The following ANKFY1 variants were observed in gnomAD, a reference collection of about 807,000 sequenced individuals.
ANKFY1 encodes ankyrin repeat and FYVE domain-containing protein 1.
Under a neutral mutation model 128.3 loss-of-function variants are expected in ANKFY1, and 47 were observed. The observed-to-expected ratio is 0.37, with a 90% confidence interval of 0.29 to 0.47. The LOEUF is 0.47. ANKFY1 is among the 20% of genes least tolerant of loss of function. The pLI is 1.00. For synonymous variants in ANKFY1, 553 were observed against 601.6 expected (o/e 0.92, Z 1.18); for missense variants, 1,222 against 1,510.6 (o/e 0.81, Z 3.17).
In ANKFY1 at chr17:4,195,141, C is replaced by T. The variant is rs1471975127; in HGVS notation, c.1209G>A (p.Thr403=). The part of the protein sequence containing the change: ...DLELKDHEGS[T]ALWLAVQHIT... ...TATGCTGCACTGCCAGCCACAGAGCCGTGCTGCCCTCGTGGTCTTTGAGTT... is the reference window on the plus strand; with the variant it reads ...TATGCTGCACTGCCAGCCACAGAGCTGTGCTGCCCTCGTGGTCTTTGAGTT... Residue 403 remains threonine (T), a synonymous_variant, in exon 10 of 25, where the codon ACG becomes ACA. Transcript: ENST00000341657. 9 of 1,611,922 alleles carry T rather than the reference C, an allele frequency of 5.6e-6. No homozygotes were observed. In the East Asian group the frequency reaches 8.9e-5, roughly 16 times the overall value.
rs1251139542 is a variant in ANKFY1, at chr17:4,206,290, C to T, written c.898+31G>A. The T allele has an allele frequency of 3.1e-6, 5 of 1,591,024 alleles. No individual in the cohort carries two copies. In the African/African-American group the frequency reaches 4.0e-5, roughly 13 times the overall value. On this transcript the variant is annotated intron_variant, in intron 7 of 24. Coordinates refer to ENST00000341657, the MANE Select transcript of ANKFY1 (RefSeq NM_001330063.2). ...AATTACTCGGATAAAAATAAAATTG[C>T]CTGCAGGGAAACATACACACTTCTT... is the stretch of plus-strand genomic sequence containing the variant.
intron 4 of ANKFY1, chr17:4,216,380 C>A (rs1467750028): frequency 6.2e-6 from 1 of 160,792 alleles, no homozygotes; most frequent in African/African-American, 2.4e-5. Context: ...CGCTCCCGGA[C>A]ATCTCGTCTG....
chr17:4,259,805 G>A (rs563753943), intron 1 of ANKFY1, among the ~76,000 whole-genome samples: 10 of 152,224 alleles, frequency 6.6e-5, no homozygotes, highest in Admixed American at 1.3e-4. Context: ...TCTAAGCTGG[G>A]AGATACAGGA....
chr17:4,229,918 T>C (rs921549303), intron 3 of ANKFY1, among the ~76,000 whole-genome samples: 1 of 152,260 alleles, frequency 6.6e-6, no homozygotes, highest in African/African-American at 2.4e-5. Context: ...CAGCCTATAC[T>C]GAAGAGGAGA....
intron 2 of ANKFY1, among the ~76,000 whole-genome samples, chr17:4,236,788 T>G (rs949737357): frequency 1.3e-5 from 2 of 151,614 alleles, no homozygotes; most frequent in Non-Finnish European, 2.9e-5. Context: ...AAAACCACTA[T>G]ATGGAAAAAA....
At position 4,167,846 on chromosome 17, in the gene ANKFY1, T is replaced by C. The variant is rs2059238107; in HGVS notation, c.3443A>G (p.Asp1148Gly). 1.2e-6 allele frequency: 2 copies of C among 1,613,780 alleles called. No individual in the cohort carries two copies. Among genetic ancestry groups the C allele is most frequent in the South Asian group, 1.1e-5 (1 of 91,054 alleles). ...STKEIPIIKFDLNKPVRVCNI... is the reference protein window; with the variant it reads ...STKEIPIIKFGLNKPVRVCNI... Reference sequence around the variant, plus strand: ...GCAAACCCGCACAGGCTTGTTCAGATCAAACTTTATAATAGGAATCTCCTT... The same window carrying C: ...GCAAACCCGCACAGGCTTGTTCAGACCAAACTTTATAATAGGAATCTCCTT... The change falls in exon 25 of 25, where the codon GAT (aspartate) becomes GGT (glycine). Residue 1148 changes from aspartate to glycine, a missense_variant. Coordinates refer to ENST00000341657, the MANE Select transcript of ANKFY1 (RefSeq NM_001330063.2). The surrounding 1 kb of genome is among the most constrained non-coding windows in gnomAD (Gnocchi z 4.1).
At chr17:4,168,391 T>G (rs1260613262) in intron 24 of ANKFY1, among the ~76,000 whole-genome samples, 5 of 152,312 alleles carry the variant, frequency 3.3e-5, no homozygotes, top group Admixed American at 2.6e-4. Flanking sequence ...AAGTGGAGAT[T>G]GCAGTAAGCC....
chr17:4,207,468 A>G (rs940976714), intron 6 of ANKFY1, among the ~76,000 whole-genome samples: 20 of 152,186 alleles, frequency 1.3e-4, no homozygotes, highest in Non-Finnish European at 2.4e-4. Flanking sequence ...CAAAGATCCA[A>G]ATAAGCAGGA....
chr17:4,254,365 A>T (rs1422397544), intron 1 of ANKFY1, among the ~76,000 whole-genome samples: 1 of 150,726 alleles, frequency 6.6e-6, no homozygotes, highest in Non-Finnish European at 1.5e-5. Flanking sequence ...ACCCACTCAG[A>T]GTAGGTCTTG....
rs186784507 is a variant in ANKFY1, at chr17:4,208,821, G to A, written c.583-739C>T. On this transcript the variant is annotated intron_variant, in intron 5 of 24. Coordinates refer to ENST00000341657, the MANE Select transcript of ANKFY1 (RefSeq NM_001330063.2). The stretch of plus-strand genomic sequence containing the variant: ...TGTACTCCCAGCACTTTGGGAGGCC[G>A]AGGTGGGCGGATCGATCACCTGAGG... Among the ~76,000 whole-genome samples the A allele has an allele frequency of 5.8e-3, 890 of 152,268 alleles. 8 individuals are homozygous for A. The highest frequency in any genetic ancestry group is 0.021 in the African/African-American group (854 of 41,548).
chr17:4,187,439 C>T, intron 11 of ANKFY1: 1 of 394,632 alleles, frequency 2.5e-6, no homozygotes. Flanking sequence ...AGAAGAATCA[C>T]ACTACTTCTC....
At position 4,226,394 on chromosome 17, in the gene ANKFY1, G is replaced by A. The variant is rs539100584; in HGVS notation, c.323-9276C>T. 2.6e-5 allele frequency among the ~76,000 whole-genome samples: 4 copies of A among 152,114 alleles called. No homozygotes were observed. The South Asian group carries it at 8.3e-4, about 32-fold the overall frequency. On this transcript the variant is annotated intron_variant, in intron 3 of 24. Transcript: ENST00000341657. ...TTTTTTTAATTAGTCAAGTGTGGTG[G>A]CATGCGCTTATAGTCCCAGCTACTA...
At chr17:4,242,864 T>C (rs1420671492) in intron 1 of ANKFY1, among the ~76,000 whole-genome samples, 1 of 152,216 alleles carries the variant, frequency 6.6e-6, no homozygotes, top group Non-Finnish European at 1.5e-5. Flanking sequence ...AATGAAGAGA[T>C]GTACCTAAAG....
At chr17:4,204,079 C>A (rs1261324931) in intron 7 of ANKFY1, among the ~76,000 whole-genome samples, 1 of 152,098 alleles carries the variant, frequency 6.6e-6, no homozygotes, top group Non-Finnish European at 1.5e-5. Context: ...TTAGGATGAT[C>A]ACTGACTATT....
chr17:4,246,780 A>AT (rs951815384), intron 1 of ANKFY1, among the ~76,000 whole-genome samples: 1 of 152,178 alleles, frequency 6.6e-6, no homozygotes, highest in African/African-American at 2.4e-5. Flanking sequence ...TGCATTAAGC[A>AT]TTTTGGCAGA....
chr17:4,167,752 C>T lies in ANKFY1; in HGVS notation c.*27G>A, dbSNP rs764528365. On this transcript the variant is annotated 3_prime_UTR_variant, in exon 25 of 25. Coordinates refer to ENST00000341657, the MANE Select transcript of ANKFY1 (RefSeq NM_001330063.2). This position sits in a 1 kb window ranked among gnomAD's most constrained non-coding sequence, Gnocchi z 4.1. ...CAGCTGCTGGGGAGGTGACCAAGGA[C>T]GTGGCCTGGACCCTCCGGGGGGCTC... 1.7e-5 allele frequency: 27 copies of T among 1,591,636 alleles called. No homozygotes were observed. The highest frequency in any genetic ancestry group is 3.4e-5 in the South Asian group (3 of 88,628).
chr17:4,201,006 G>C (rs1412327362), intron 7 of ANKFY1, among the ~76,000 whole-genome samples: 3 of 152,112 alleles, frequency 2.0e-5, no homozygotes, highest in Non-Finnish European at 4.4e-5. Flanking sequence ...CAGTAGGTAT[G>C]AAATTAGAAA....
In ANKFY1 at chr17:4,185,038, G is replaced by A. The variant is rs2059586493; in HGVS notation, c.1479C>T (p.Thr493=). 5 of 1,612,676 alleles carry A rather than the reference G, an allele frequency of 3.1e-6. No homozygotes were observed. In the African/African-American group the frequency reaches 5.3e-5, roughly 17 times the overall value. ...CATGCCGACACGCTGTGTGCAACGG[G>A]GTTTCTCCCTGAATGGAAACAAATG... ...HVNHRNKWGE[T]PLHTACRHGL... is the part of the protein sequence containing the mutation. The change falls in exon 12 of 25, where the codon ACC becomes ACT. Residue 493 remains threonine (T), a synonymous_variant. Coordinates refer to ENST00000341657, the MANE Select transcript of ANKFY1 (RefSeq NM_001330063.2).
At chr17:4,254,596 G>A (rs559860468) in intron 1 of ANKFY1, among the ~76,000 whole-genome samples, 2 of 152,220 alleles carry the variant, frequency 1.3e-5, no homozygotes, top group Admixed American at 6.5e-5. Flanking sequence ...ATAAGAACAC[G>A]TTTCTGTTGT....
Sources: gnomAD v4.1 joint callset for allele counts (sites outside exome capture counted in the v4.1 genomes callset) on GRCh38, gnomAD v4.1.1 for gene constraint, Gnocchi (gnomAD v3.1) non-coding constraint, MANE v1.5 for transcripts, NCBI Gene and HGNC (gene_info 2026-07-23, HGNC 2026-07-21) for gene names.